The following SH3PXD2A variants were observed in gnomAD, a reference collection of about 807,000 sequenced individuals.
SH3PXD2A encodes SH3 and PX domain-containing protein 2A.
SH3PXD2A carries 32 observed loss-of-function variants against 115.2 expected under a neutral mutation model. The observed-to-expected ratio is 0.28, with a 90% CI of 0.21 to 0.37. The LOEUF (loss-of-function observed/expected upper bound fraction) is 0.37. Ranked by LOEUF, SH3PXD2A falls within the 10% of genes least tolerant of loss-of-function variation. SH3PXD2A has a pLI of 1.00. For synonymous variants in SH3PXD2A, 610 were observed against 629.1 expected (o/e 0.97, Z 0.45); for missense variants, 1,328 against 1,498.7 (o/e 0.89, Z 1.88).
chr10:103,614,234 G>C (rs1218321498), intron 11 of SH3PXD2A, among the ~76,000 whole-genome samples: 1 of 152,048 alleles, frequency 6.6e-6, no homozygotes, highest in Non-Finnish European at 1.5e-5. Flanking sequence ...CACTCTGGGA[G>C]ACAGAGTGAG....
At chr10:103,843,349 G>A (rs551219594) in intron 1 of SH3PXD2A, among the ~76,000 whole-genome samples, 1 of 152,222 alleles carries the variant, frequency 6.6e-6, no homozygotes, top group African/African-American at 2.4e-5. Context: ...GGTTTCCAGA[G>A]CCTGGTTTTG....
intron 1 of SH3PXD2A, among the ~76,000 whole-genome samples, chr10:103,805,079 C>T (rs1200113828): frequency 6.6e-6 from 1 of 152,242 alleles, no homozygotes; most frequent in Non-Finnish European, 1.5e-5. Flanking sequence ...ATCAGCCTTT[C>T]TCCGGAACCA....
rs2038808729 is a variant in SH3PXD2A at position 103,770,747 on chromosome 10, T to C, written c.154-3578A>G. Among the ~76,000 whole-genome samples, 8 of 152,316 alleles carry C rather than the reference T, an allele frequency of 5.3e-5. No individual in the cohort carries two copies. The South Asian group carries it at 1.7e-3, about 32-fold the overall frequency. The stretch of plus-strand genomic sequence containing the variant: ...GACAGGGGGACCAGCTCCGGGGCTC[T>C]GCTGGCTTATCCTGGTGGTGGGATA... On this transcript the variant is annotated intron_variant, in intron 2 of 14. Transcript: ENST00000369774.
At chr10:103,760,833 C>A (rs972632441) in intron 3 of SH3PXD2A, among the ~76,000 whole-genome samples, 4 of 152,108 alleles carry the variant, frequency 2.6e-5, no homozygotes, top group African/African-American at 4.8e-5. Flanking sequence ...GCTGGGAATA[C>A]AGGTATGAGC....
intron 2 of SH3PXD2A, among the ~76,000 whole-genome samples, chr10:103,770,883 C>T (rs983617661): frequency 4.6e-5 from 7 of 152,230 alleles, no homozygotes; most frequent in African/African-American, 7.2e-5. Flanking sequence ...CACATGTCTA[C>T]GCACACTTCC....
chr10:103,827,619 G>T (rs1312663750), intron 1 of SH3PXD2A, among the ~76,000 whole-genome samples: 1 of 152,178 alleles, frequency 6.6e-6, no homozygotes, highest in East Asian at 1.9e-4. Flanking sequence ...CATTCTCAGT[G>T]CACCGTGACT....
chr10:103,832,399 G>T (rs1341762016), intron 1 of SH3PXD2A, among the ~76,000 whole-genome samples: 1 of 150,316 alleles, frequency 6.7e-6, no homozygotes, highest in African/African-American at 2.4e-5. Context: ...AGAAAACAAG[G>T]TTCAACCAGC....
At chr10:103,634,080 C>T (rs531435231) in intron 8 of SH3PXD2A, among the ~76,000 whole-genome samples, 2 of 152,326 alleles carry the variant, frequency 1.3e-5, no homozygotes, top group African/African-American at 2.4e-5. Flanking sequence ...GAGGTAGGAG[C>T]GGAGGCCAGG....
intron 9 of SH3PXD2A, among the ~76,000 whole-genome samples, chr10:103,625,240 GC>G (rs2036674085): frequency 1.3e-5 from 2 of 152,228 alleles, no homozygotes; most frequent in South Asian, 4.1e-4. Context: ...CCCACTCAGT[GC>G]CTAGGTCCTC....
intron 7 of SH3PXD2A, among the ~76,000 whole-genome samples, chr10:103,664,093 G>T (rs539189533): frequency 7.5e-4 from 114 of 152,304 alleles, no homozygotes; most frequent in African/African-American, 2.6e-3. Context: ...TGCCCCTAGG[G>T]GAACAGCAGT....
intron 6 of SH3PXD2A, among the ~76,000 whole-genome samples, chr10:103,691,415 C>T (rs546746669): frequency 6.6e-6 from 1 of 152,190 alleles, no homozygotes; most frequent in South Asian, 2.1e-4. Flanking sequence ...GAATTTGAGC[C>T]CAGGTTCAAC....
chr10:103,805,148 C>G (rs79490543), intron 1 of SH3PXD2A, among the ~76,000 whole-genome samples: 8,598 of 152,288 alleles, frequency 0.056, 291 homozygotes, highest in South Asian at 0.11. Flanking sequence ...CTCCATCCCA[C>G]TAGCAATTAG....
intron 5 of SH3PXD2A, among the ~76,000 whole-genome samples, chr10:103,699,392 T>A (rs2037864604): frequency 6.6e-6 from 1 of 152,222 alleles, no homozygotes; most frequent in East Asian, 1.9e-4. Flanking sequence ...CGTATCGAGC[T>A]GCAGTGTGAT....
chr10:103,610,646 G>C (rs2036412608), intron 13 of SH3PXD2A, among the ~76,000 whole-genome samples: 1 of 152,172 alleles, frequency 6.6e-6, no homozygotes, highest in African/African-American at 2.4e-5. Context: ...GCCCAGATGT[G>C]ACTTCAGAAT....
intron 6 of SH3PXD2A, among the ~76,000 whole-genome samples, chr10:103,689,773 T>A (rs905666801): frequency 1.3e-5 from 2 of 152,158 alleles, no homozygotes; most frequent in African/African-American, 4.8e-5. Context: ...GCAGGTTCAA[T>A]AGAGGGAAGA....
chr10:103,731,386 C>T (rs897074801), intron 4 of SH3PXD2A, among the ~76,000 whole-genome samples: 1 of 152,080 alleles, frequency 6.6e-6, no homozygotes, highest in Non-Finnish European at 1.5e-5. Context: ...GTCTCAAACC[C>T]CTGGGCTCAA....
intron 6 of SH3PXD2A, among the ~76,000 whole-genome samples, chr10:103,672,994 T>A (rs979549958): frequency 3.3e-5 from 5 of 152,124 alleles, no homozygotes; most frequent in Non-Finnish European, 7.3e-5. Flanking sequence ...CAAAGGTACT[T>A]AGATGCTGAA....
chr10:103,775,871 T>C (rs1589450206), intron 2 of SH3PXD2A, among the ~76,000 whole-genome samples: 1 of 152,268 alleles, frequency 6.6e-6, no homozygotes, highest in East Asian at 1.9e-4. Flanking sequence ...CGGCACTACA[T>C]GTGGCTGGAG....
At chr10:103,741,145 A>G (rs181752895) in intron 3 of SH3PXD2A, among the ~76,000 whole-genome samples, 1 of 152,338 alleles carries the variant, frequency 6.6e-6, no homozygotes, top group African/African-American at 2.4e-5. Flanking sequence ...GGAGCCTTCA[A>G]GGAGAAAAAG....
Sources: allele counts gnomAD v4.1 joint callset (sites outside exome capture counted in the v4.1 genomes callset), GRCh38; gene constraint gnomAD v4.1.1; transcripts MANE v1.5; gene names NCBI Gene and HGNC (gene_info 2026-07-23, HGNC 2026-07-21).